The following RBFOX1 variants were observed in gnomAD, a reference collection of about 807,000 sequenced individuals.
RBFOX1 encodes RNA binding fox-1 homolog 1.
Under a neutral mutation model 57.7 loss-of-function variants are expected in RBFOX1, and 8 were observed. The ratio of observed to expected loss-of-function variants is 0.14; its 90% confidence interval spans 0.08 to 0.25. RBFOX1 has a LOEUF of 0.25. RBFOX1 is among the 10% of genes least tolerant of loss of function. RBFOX1 has a pLI of 1.00. For synonymous variants in RBFOX1, 326 were observed against 222.4 expected (o/e 1.47, Z -4.15); for missense variants, 611 against 548.5 (o/e 1.11, Z -1.14).
At chr16:6,795,480 A>G (rs948304112) in intron 3 of RBFOX1, among the ~76,000 whole-genome samples, 5 of 152,100 alleles carry the variant, frequency 3.3e-5, no homozygotes, top group Admixed American at 2.0e-4. Context: ...AAAGAGAGAC[A>G]TTGTTGGCTG....
At chr16:5,881,649 C>A (rs1024433603) in intron 4 of RBFOX1, among the ~76,000 whole-genome samples, 41 of 152,032 alleles carry the variant, frequency 2.7e-4, no homozygotes. Context: ...CGCTGCACTC[C>A]AGCCTGGGTG....
At chr16:6,442,635 C>A (rs1197749268) in intron 2 of RBFOX1, among the ~76,000 whole-genome samples, 4 of 152,036 alleles carry the variant, frequency 2.6e-5, no homozygotes, top group Non-Finnish European at 5.9e-5. Context: ...GCCTAACACA[C>A]CTTCTCTTCA....
intron 4 of RBFOX1, among the ~76,000 whole-genome samples, chr16:7,253,341 C>G (rs1344011859): frequency 6.6e-6 from 1 of 151,994 alleles, no homozygotes; most frequent in Non-Finnish European, 1.5e-5. Context: ...AGAGCGGAGA[C>G]ATGTCAGGCT....
At chr16:6,809,807 C>G (rs1444820193) in intron 3 of RBFOX1, among the ~76,000 whole-genome samples, 1 of 152,140 alleles carries the variant, frequency 6.6e-6, no homozygotes, top group South Asian at 2.1e-4. Flanking sequence ...TGCCAAAAAT[C>G]TTATTCCAAT....
intron 2 of RBFOX1, among the ~76,000 whole-genome samples, chr16:5,478,912 A>T (rs774008797): frequency 6.6e-6 from 1 of 152,154 alleles, no homozygotes; most frequent in Non-Finnish European, 1.5e-5. Context: ...GGGTTTAGGG[A>T]TGAGGGCAGA....
intron 1 of RBFOX1, among the ~76,000 whole-genome samples, chr16:6,210,952 T>G (rs1239692578): frequency 1.3e-5 from 2 of 152,018 alleles, no homozygotes; most frequent in Non-Finnish European, 2.9e-5. Context: ...GGCCTTGCAT[T>G]CCAAGTGTGC....
Position 7,123,314 on chromosome 16 carries a change from T to C in RBFOX1, c.27+71216T>C, listed in dbSNP as rs148256159. On this transcript the variant is annotated intron_variant, in intron 4 of 15. Transcript: ENST00000550418. The stretch of plus-strand genomic sequence containing the variant: ...CTGGCAAACATTACACATTTAAAAA[T>C]ATTTGTGGATGGAATAAATGAAAAA... Among the ~76,000 whole-genome samples the C allele has an allele frequency of 7.0e-3, 1,067 of 152,264 alleles. 13 individuals are homozygous for C. Among genetic ancestry groups the C allele is most frequent in the African/African-American group, 0.024 (1,004 of 41,548 alleles).
chr16:6,266,853 C>T (rs541752997), intron 1 of RBFOX1, among the ~76,000 whole-genome samples: 5 of 152,074 alleles, frequency 3.3e-5, no homozygotes, highest in Admixed American at 3.3e-4. Flanking sequence ...GTTTTTTTGT[C>T]TGTCTTCTGT....
intron 4 of RBFOX1, among the ~76,000 whole-genome samples, chr16:7,503,192 C>G (rs974613768): frequency 9.2e-5 from 14 of 152,162 alleles, no homozygotes; most frequent in African/African-American, 2.4e-4. Context: ...GTTAGTGTGA[C>G]TTAATGCTGC....
intron 4 of RBFOX1, among the ~76,000 whole-genome samples, chr16:7,346,643 T>A (rs2097015028): frequency 6.6e-6 from 1 of 151,922 alleles, no homozygotes; most frequent in Non-Finnish European, 1.5e-5. Context: ...GGGCATTGCT[T>A]CGTTCAAGCC....
At chr16:7,012,875 A>G (rs1347864251) in intron 3 of RBFOX1, among the ~76,000 whole-genome samples, 1 of 152,120 alleles carries the variant, frequency 6.6e-6, no homozygotes, top group Non-Finnish European at 1.5e-5. Context: ...TTATTTTCCC[A>G]TAGCTGGGGA....
chr16:5,442,472 G>T (rs767241437), intron 1 of RBFOX1, among the ~76,000 whole-genome samples: 1 of 152,224 alleles, frequency 6.6e-6, no homozygotes, highest in Non-Finnish European at 1.5e-5. Context: ...CTGAGTGGAG[G>T]CAGGGAGGTG....
At chr16:5,499,479 C>T (rs894612611) in intron 2 of RBFOX1, among the ~76,000 whole-genome samples, 1 of 152,210 alleles carries the variant, frequency 6.6e-6, no homozygotes, top group Admixed American at 6.6e-5. Context: ...GATGGACAAA[C>T]AGAGGCTTAG....
intron 4 of RBFOX1, among the ~76,000 whole-genome samples, chr16:5,932,420 C>T (rs1044070562): frequency 1.9e-4 from 29 of 152,148 alleles, no homozygotes; most frequent in African/African-American, 7.0e-4. Flanking sequence ...TTTTCTCCAG[C>T]ACCTCCAGAT....
chr16:6,934,934 A>G (rs919190980), intron 3 of RBFOX1, among the ~76,000 whole-genome samples: 1 of 152,024 alleles, frequency 6.6e-6, no homozygotes, highest in African/African-American at 2.4e-5. Flanking sequence ...AAAAATAGAA[A>G]AAAATTAGCT....
chr16:6,014,356 CTA>C (rs2094980656), upstream of RBFOX1, among the ~76,000 whole-genome samples: 1 of 152,154 alleles, frequency 6.6e-6, no homozygotes, highest in Non-Finnish European at 1.5e-5. Context: ...AGAGGAAAAA[CTA>C]TCATGTTTAC....
chr16:5,351,065 G>A (rs556643240), intron 1 of RBFOX1, among the ~76,000 whole-genome samples: 1 of 152,154 alleles, frequency 6.6e-6, no homozygotes, highest in Non-Finnish European at 1.5e-5. Flanking sequence ...CAGGTATTGC[G>A]CTGGTGGAAG....
intron 3 of RBFOX1, among the ~76,000 whole-genome samples, chr16:5,745,485 A>G (rs1008922464): frequency 1.3e-5 from 2 of 152,196 alleles, no homozygotes; most frequent in Admixed American, 6.5e-5. Context: ...GTCAAATGAT[A>G]TTTCTAGTTC....
At position 7,256,548 on chromosome 16, in the gene RBFOX1, C is replaced by G. The variant is rs371517112; in HGVS notation, c.27+204450C>G. Reference sequence around the variant, plus strand: ...TCATTAAATTTTAATACCACACATACACTGTATGTCTGTTTATACCATGTA... The same window carrying G: ...TCATTAAATTTTAATACCACACATAGACTGTATGTCTGTTTATACCATGTA... On this transcript the variant is annotated intron_variant, in intron 4 of 15. Coordinates refer to ENST00000550418, the MANE Select transcript of RBFOX1 (RefSeq NM_018723.4). Among the ~76,000 whole-genome samples, 4 of 152,156 alleles carry G rather than the reference C, an allele frequency of 2.6e-5. No individual in the cohort carries two copies. In the East Asian group the frequency reaches 5.8e-4, roughly 22 times the overall value.
Sources: allele counts gnomAD v4.1 joint callset (sites outside exome capture counted in the v4.1 genomes callset), GRCh38; gene constraint gnomAD v4.1.1; transcripts MANE v1.5; gene names NCBI Gene and HGNC (gene_info 2026-07-23, HGNC 2026-07-21).